RBL1: variants seen among roughly 807,000 people sequenced by gnomAD.
RBL1 encodes retinoblastoma-like protein 1.
Under a neutral mutation model 123.0 loss-of-function variants are expected in RBL1, and 82 were observed. That is an observed-to-expected ratio of 0.67 (90% CI 0.56 to 0.80). The LOEUF (loss-of-function observed/expected upper bound fraction) is 0.80, where lower values mean the gene tolerates loss of function less well. RBL1 is among the 30% of genes least tolerant of loss of function. The pLI, the probability that RBL1 is intolerant of heterozygous loss-of-function variation, is 0.00. For missense variants in RBL1, 1,171 were observed against 1,299.6 expected, an observed-to-expected ratio of 0.90 and a Z score of 1.52; for synonymous variants, 405 against 441.3, an observed-to-expected ratio of 0.92 and a Z score of 1.03.
Position 36,996,657 on chromosome 20 carries a change from T to G in RBL1, c.*2102A>C, listed in dbSNP as rs550960347. ...GAGGGCTATGTTGCCCAGGTTAGTC[T>G]TGAACTCCTGGACTGAAGCAATCCT... On this transcript the variant is annotated 3_prime_UTR_variant, in exon 22 of 22. Coordinates refer to ENST00000373664, the MANE Select transcript of RBL1 (RefSeq NM_002895.5). 1 of 152,400 alleles carries G rather than the reference T, an allele frequency of 6.6e-6. No individual in the cohort carries two copies. Among genetic ancestry groups the G allele is most frequent in the Non-Finnish European group, 1.5e-5 (1 of 68,092 alleles). The allele number at this position is 152,400 out of a possible 1,614,324, so 9.4% of individuals were successfully genotyped here.
At chr20:37,069,053 C>T (rs1316412116) in intron 2 of RBL1, among the ~76,000 whole-genome samples, 9 of 152,078 alleles carry the variant, frequency 5.9e-5, no homozygotes, top group African/African-American at 1.9e-4. Context: ...TTGGCCAGGC[C>T]GGTCTCCAGC....
At chr20:37,018,652 C>G (rs150365664) in intron 18 of RBL1, among the ~76,000 whole-genome samples, 1 of 152,210 alleles carries the variant, frequency 6.6e-6, no homozygotes, top group Non-Finnish European at 1.5e-5. Flanking sequence ...ATGAAAGCAA[C>G]TTTAAAGACC....
At chr20:37,060,064 C>T (rs1327625821) in intron 9 of RBL1, among the ~76,000 whole-genome samples, 5 of 151,618 alleles carry the variant, frequency 3.3e-5, no homozygotes, top group African/African-American at 4.8e-5. Flanking sequence ...CCCAGCTACT[C>T]GGGAGGCTGA....
In RBL1 at chr20:37,031,953, G is replaced by A. The variant is rs1000740744; in HGVS notation, c.2382+712C>T. Among the ~76,000 whole-genome samples, 98 of 141,952 alleles carry A rather than the reference G, an allele frequency of 6.9e-4. 2 individuals are homozygous for A. The highest frequency in any genetic ancestry group is 9.1e-4 in the South Asian group (4 of 4,396). The allele number at this position is 141,952 out of a possible 152,430, so 93.1% of individuals were successfully genotyped here. A position where few individuals can be genotyped will look rare whatever the true frequency, so the allele number is the denominator to read the frequency against. On this transcript the variant is annotated intron_variant, in intron 16 of 21. Transcript: ENST00000373664. ...AATAGAGATAGGGTCTCACTGTGTC[G>A]CCCAGGGTGGTCTCAAACCCCTGGG...
In RBL1 at chr20:37,074,019, G is replaced by A. The variant is rs566579601; in HGVS notation, c.291-5833C>T. 6.6e-5 allele frequency among the ~76,000 whole-genome samples: 10 copies of A among 152,278 alleles called. No homozygotes were observed. The South Asian group carries it at 2.1e-3, about 32-fold the overall frequency. On this transcript the variant is annotated intron_variant, in intron 2 of 21. Transcript: ENST00000373664. The stretch of plus-strand genomic sequence containing the variant: ...CCAGCTACATGGGAGGCTGAGGCAG[G>A]AGAATGGCGTGAACCCAGGAGGCGG...
chr20:37,012,894 C>G (rs1280319748), intron 19 of RBL1, among the ~76,000 whole-genome samples: 1 of 146,504 alleles, frequency 6.8e-6, no homozygotes, highest in Non-Finnish European at 1.5e-5. Flanking sequence ...CCCGGCCAGC[C>G]GCCCCGTCCG....
At chr20:37,093,851 G>A (rs528440692) in intron 1 of RBL1, among the ~76,000 whole-genome samples, 7 of 152,128 alleles carry the variant, frequency 4.6e-5, no homozygotes, top group East Asian at 1.9e-4. Context: ...ATGCTGGCCA[G>A]GCTGGTCTTG....
chr20:37,033,744 T>C (rs1321316145), intron 15 of RBL1, among the ~76,000 whole-genome samples: 1 of 151,708 alleles, frequency 6.6e-6, no homozygotes, highest in Non-Finnish European at 1.5e-5. Context: ...CCTGAATAGT[T>C]GGGACTACAG....
At chr20:37,008,613 G>A (rs2064109847) in intron 19 of RBL1, among the ~76,000 whole-genome samples, 1 of 152,136 alleles carries the variant, frequency 6.6e-6, no homozygotes, top group Admixed American at 6.6e-5. Context: ...CATGTGCTAA[G>A]AAAACCACTA....
At chr20:37,007,592 G>C in intron 19 of RBL1, 33 bp from the exon 20 acceptor site, 1 of 1,601,710 alleles carries the variant, frequency 6.2e-7, no homozygotes, top group Non-Finnish European at 8.5e-7. Flanking sequence ...GTGATACAAA[G>C]CATACTTTTT....
chr20:37,084,037 T>A (rs913543146), intron 2 of RBL1, among the ~76,000 whole-genome samples: 3 of 150,412 alleles, frequency 2.0e-5, no homozygotes, highest in African/African-American at 7.3e-5. Context: ...GCCTCCCGAG[T>A]AGCTGGGATT....
intron 21 of RBL1, among the ~76,000 whole-genome samples, chr20:37,001,749 T>A (rs900923268): frequency 3.8e-5 from 4 of 105,702 alleles, no homozygotes; most frequent in Non-Finnish European, 5.8e-5. Context: ...CCAAGAATGA[T>A]CAATAAAAAA....
intron 10 of RBL1, 137 bp from the exon 11 acceptor site, chr20:37,055,793 A>C: frequency 1.1e-6 from 1 of 892,270 alleles, no homozygotes; most frequent in Non-Finnish European, 1.6e-6. Flanking sequence ...TCACGCCTGT[A>C]ATCCTAGCAC....
At chr20:37,015,063 C>CAAAAAAAAAAAAA (rs1185151735) in intron 19 of RBL1, among the ~76,000 whole-genome samples, 1 of 70,288 alleles carries the variant, frequency 1.4e-5, no homozygotes, top group Non-Finnish European at 3.0e-5. Context: ...GACTGTATCT[C>CAAAAAAAAAAAAA]AAAAAAAAAA....
intron 19 of RBL1, among the ~76,000 whole-genome samples, chr20:37,016,630 A>G (rs2064258109): frequency 6.6e-6 from 1 of 152,106 alleles, no homozygotes; most frequent in Non-Finnish European, 1.5e-5. Context: ...AGCTGTGCAT[A>G]ATTAGAAGCA....
At chr20:37,024,363 A>T (rs2064388846) in intron 16 of RBL1, among the ~76,000 whole-genome samples, 1 of 152,188 alleles carries the variant, frequency 6.6e-6, no homozygotes, top group African/African-American at 2.4e-5. Context: ...TATATTCATG[A>T]AAGGAGAAGA....
At chr20:37,023,435 T>A (rs574243127) in intron 16 of RBL1, among the ~76,000 whole-genome samples, 22 of 152,232 alleles carry the variant, frequency 1.4e-4, no homozygotes, top group Non-Finnish European at 3.1e-4. Flanking sequence ...AATGCATAAT[T>A]TTTCAAAGCT....
chr20:37,020,744 A>C lies in RBL1; in HGVS notation c.2560-14T>G. On this transcript the variant is annotated splice_polypyrimidine_tract_variant and intron_variant, in intron 17 of 21. Transcript: ENST00000373664. ...TTCTTTTGTTACCTAAGGAAAATAA[A>C]AACCGCATTTATCAACTGCTTTTTG... The C allele has an allele frequency of 6.5e-7, 1 of 1,527,356 alleles. No individual in the cohort carries two copies. The highest frequency in any genetic ancestry group is 8.9e-7 in the Non-Finnish European group (1 of 1,124,372). The allele number at this position is 1,527,356 out of a possible 1,614,324, so 94.6% of individuals were successfully genotyped here.
chr20:37,085,711 T>C (rs1017546784), intron 2 of RBL1, among the ~76,000 whole-genome samples: 5 of 132,078 alleles, frequency 3.8e-5, no homozygotes, highest in African/African-American at 1.5e-4. Flanking sequence ...TGGAGTGCAA[T>C]GGCGCAATCT....
Sources: gnomAD v4.1 joint callset for allele counts (sites outside exome capture counted in the v4.1 genomes callset) on GRCh38, gnomAD v4.1.1 for gene constraint, MANE v1.5 for transcripts, NCBI Gene and HGNC (gene_info 2026-07-23, HGNC 2026-07-21) for gene names.